The following HNRNPA2B1 variants were observed in gnomAD, a reference collection of about 807,000 sequenced individuals.
HNRNPA2B1 encodes heterogeneous nuclear ribonucleoprotein A2/B1, also known as heterogeneous nuclear ribonucleoproteins A2/B1.
Under a neutral mutation model 46.3 loss-of-function variants are expected in HNRNPA2B1, and 3 were observed. That is an observed-to-expected ratio of 0.06 (90% CI 0.03 to 0.17). The LOEUF (loss-of-function observed/expected upper bound fraction) is 0.17, where lower values mean the gene tolerates loss of function less well. HNRNPA2B1 is among the 10% of genes least tolerant of loss of function. The probability of loss-of-function intolerance (pLI) is 1.00; values close to 1 mark genes in which losing one functional copy is unlikely to be tolerated. For missense variants in HNRNPA2B1, 221 were observed against 418.9 expected, an observed-to-expected ratio of 0.53 and a Z score of 4.12; for synonymous variants, 225 against 133.8, an observed-to-expected ratio of 1.68 and a Z score of -4.70.
At position 26,195,881 on chromosome 7, in the gene HNRNPA2B1, C is replaced by T. The variant is rs764231312; in HGVS notation, c.687G>A (p.Gly229=). Residue 229 remains glycine, a synonymous_variant, in exon 7 of 11, where the codon GGG becomes GGA. Transcript: ENST00000618183. ...SDGYGSGRGF[G]DGYNGYGGGP... The stretch of plus-strand genomic sequence containing the variant: ...CTCCTCCATACCCATTATAGCCATC[C>T]CCAAATCCACGTCCACTGCCATATC... The T allele has an allele frequency of 6.2e-6, 10 of 1,609,762 alleles. No individual in the cohort carries two copies. The highest frequency in any genetic ancestry group is 1.7e-5 in the Admixed American group (1 of 58,764).
intron 7 of HNRNPA2B1, among the ~76,000 whole-genome samples, chr7:26,195,427 G>T (rs1324806005): frequency 6.6e-6 from 1 of 152,168 alleles, no homozygotes; most frequent in South Asian, 2.1e-4. Context: ...GAACATTTCC[G>T]TAGGTTACGC....
At position 26,195,853 on chromosome 7, in the gene HNRNPA2B1, G is replaced by C; in HGVS notation, c.715C>G (p.Pro239Ala). The change falls in exon 7 of 11, where the codon CCT (proline) becomes GCT (alanine). Residue 239 changes from proline to alanine, a missense_variant. Pro to Ala is a conservative substitution (Grantham distance 27). Around this residue, in one of 2 missense-constraint regions of HNRNPA2B1, gnomAD observed 143 missense variants for 200.5 expected, o/e 0.71. Transcript: ENST00000618183. ...AACGTAGAGGAAAACTGACCTCCAG[G>C]TCCTCCTCCATACCCATTATAGCCA... ...GDGYNGYGGGPGGGNFGGSPG... is the reference protein window; with the variant it reads ...GDGYNGYGGGAGGGNFGGSPG... 1.2e-6 allele frequency: 2 copies of C among 1,610,632 alleles called. No homozygotes were observed. The highest frequency in any genetic ancestry group is 1.7e-6 in the Non-Finnish European group (2 of 1,178,814).
chr7:26,195,690 T>G, intron 7 of HNRNPA2B1, 157 bp downstream of exon 7: 2 of 732,628 alleles, frequency 2.7e-6, no homozygotes, highest in Non-Finnish European at 4.4e-6. Context: ...ACAGCTAAGA[T>G]GGCAAAACTA....
In HNRNPA2B1 at chr7:26,192,526, C is replaced by T; in HGVS notation, c.1016G>A (p.Ser339Asn). The change falls in exon 10 of 11, where the codon AGC (serine) becomes AAC (asparagine). Residue 339 changes from serine to asparagine, a missense_variant. Ser to Asn is a conservative substitution (Grantham distance 46). This residue lies in a region of HNRNPA2B1 where 143 missense variants were observed against 200.5 expected (regional missense o/e 0.71). Coordinates refer to ENST00000618183, the MANE Select transcript of HNRNPA2B1 (RefSeq NM_002137.4). ...SGGSGGYGGRSRY is the reference protein window; with the variant it reads ...SGGSGGYGGRNRY Reference sequence around the variant, plus strand: ...CAAATAGGAAGAAGCTCAGTATCGGCTCCTCCCACCATAACCCCCACTTCC... The same window carrying T: ...CAAATAGGAAGAAGCTCAGTATCGGTTCCTCCCACCATAACCCCCACTTCC... 3.7e-6 allele frequency: 6 copies of T among 1,613,730 alleles called. No homozygotes were observed. Among genetic ancestry groups the T allele is most frequent in the Non-Finnish European group, 4.2e-6 (5 of 1,179,632 alleles).
chr7:26,195,816 T>A, intron 7 of HNRNPA2B1, 31 bp downstream of exon 7: 1 of 1,605,194 alleles, frequency 6.2e-7, no homozygotes, highest in South Asian at 1.1e-5. Context: ...ATTAGTCACA[T>A]AAACAAACCA....
chr7:26,198,038 A>C (rs1238764270), intron 1 of HNRNPA2B1: 1 of 438,734 alleles, frequency 2.3e-6, no homozygotes, highest in Non-Finnish European at 4.0e-6. Context: ...TAAAAAAAAA[A>C]CTTTCTAAGG....
At chr7:26,193,065 T>C (rs1783091632) in intron 9 of HNRNPA2B1, among the ~76,000 whole-genome samples, 186 bp downstream of exon 9, 1 of 152,150 alleles carries the variant, frequency 6.6e-6, no homozygotes, top group Non-Finnish European at 1.5e-5. Context: ...AATCCCAATT[T>C]GATGTCATAA....
Position 26,197,477 on chromosome 7 carries a change from G to T in HNRNPA2B1, c.118-16C>A. ...CCCTCATTACCTTTCAAACCAAAGG[G>T]TAAACTTTAGCATTTAATCTCATTA... On this transcript the variant is annotated splice_polypyrimidine_tract_variant and intron_variant, in intron 2 of 10. Transcript: ENST00000618183. 6.2e-7 allele frequency: 1 copy of T among 1,611,492 alleles called. No individual in the cohort carries two copies. Among genetic ancestry groups the T allele is most frequent in the Non-Finnish European group, 8.5e-7 (1 of 1,178,742 alleles).
At chr7:26,194,381 G>T (rs954324474) in intron 7 of HNRNPA2B1, among the ~76,000 whole-genome samples, 2 of 151,962 alleles carry the variant, frequency 1.3e-5, no homozygotes, top group African/African-American at 4.8e-5. Context: ...GGGCGACAGA[G>T]AGAGACTCCC....
intron 1 of HNRNPA2B1, 58 bp downstream of exon 1, chr7:26,200,514 A>T: frequency 1.3e-6 from 2 of 1,587,518 alleles, no homozygotes; most frequent in Non-Finnish European, 1.7e-6. Flanking sequence ...ACTTCCACTG[A>T]GGCGCCAACG....
rs754021381 is a variant in HNRNPA2B1, at chr7:26,192,549, TCCTCCACTG to T, written c.984_992del (p.Ser332_Gly334del). The T allele has an allele frequency of 4.3e-6, 7 of 1,613,828 alleles. No homozygotes were observed. Among genetic ancestry groups the T allele is most frequent in the South Asian group, 2.2e-5 (2 of 91,082 alleles). On this transcript the variant is annotated inframe_deletion, in exon 10 of 11. Transcript: ENST00000618183. ...GGCTCCTCCCACCATAACCCCCACT[TCCTCCACTG>T]CCTCCTGGACCATAGTTTCCTATAA...
chr7:26,195,559 TC>T (rs754903323), intron 7 of HNRNPA2B1, among the ~76,000 whole-genome samples: 55 of 152,358 alleles, frequency 3.6e-4, no homozygotes, highest in Admixed American at 1.4e-3. Context: ...TCTGTACTTT[TC>T]CAGAGAAGCA....
rs1405781196 is a variant in HNRNPA2B1 at position 26,196,886 on chromosome 7, A to G, written c.396T>C (p.Ile132=). 1.2e-6 allele frequency: 2 copies of G among 1,613,962 alleles called. No homozygotes were observed. The highest frequency in any genetic ancestry group is 1.7e-6 in the Non-Finnish European group (2 of 1,179,858). The change falls in exon 4 of 11, where the codon ATT becomes ATC. Residue 132 remains isoleucine (I), a synonymous_variant. Transcript: ENST00000618183. ...TTTTCTTTCCAGACTGCCTATCAGTAATTATCTCAATGGTATCAATTTTTC... is the reference window on the plus strand; with the variant it reads ...TTTTCTTTCCAGACTGCCTATCAGTGATTATCTCAATGGTATCAATTTTTC... ...EYGKIDTIEI[I]TDRQSGKKRG...
chr7:26,198,933 AT>A (rs1396367782), intron 1 of HNRNPA2B1: 1 of 151,662 alleles, frequency 6.6e-6, no homozygotes, highest in Non-Finnish European at 1.5e-5. Context: ...CCCAGTTCAG[AT>A]TTTTTTCCTG....
intron 7 of HNRNPA2B1, among the ~76,000 whole-genome samples, chr7:26,194,538 C>CG (rs1783290940): frequency 6.6e-6 from 1 of 150,904 alleles, no homozygotes; most frequent in South Asian, 2.1e-4. Context: ...CACACCTCTA[C>CG]AAAAAAACAC....
rs1428232126 is a variant in HNRNPA2B1 at position 26,197,333 on chromosome 7, T to C, written c.246A>G (p.Lys82=). ...TGCTTACCTCTCTTGCTACAGCACG[T>C]TTTGGCTCAACTACTCTCCCATCAA... is the stretch of plus-strand genomic sequence containing the variant. The part of the protein sequence containing the change: ...HSIDGRVVEP[K]RAVAREESGK... Residue 82 remains lysine, a synonymous_variant, in exon 3 of 11, where the codon AAA becomes AAG. Coordinates refer to ENST00000618183, the MANE Select transcript of HNRNPA2B1 (RefSeq NM_002137.4). 1 of 1,612,766 alleles carries C rather than the reference T, an allele frequency of 6.2e-7. No individual in the cohort carries two copies. Among genetic ancestry groups the C allele is most frequent in the Admixed American group, 1.7e-5 (1 of 59,840 alleles).
rs115723396 is a variant in HNRNPA2B1, at chr7:26,194,108, G to A, written c.722-414C>T. Among the ~76,000 whole-genome samples, 611 of 152,238 alleles carry A rather than the reference G, an allele frequency of 4.0e-3. 3 individuals are homozygous for A. The highest frequency in any genetic ancestry group is 0.014 in the African/African-American group (583 of 41,534). ...TACGAATTACATATCTTAAAACAATGTTCTCGGTTGGGCACAGTGGCTCAT... is the reference window on the plus strand; with the variant it reads ...TACGAATTACATATCTTAAAACAATATTCTCGGTTGGGCACAGTGGCTCAT... On this transcript the variant is annotated intron_variant, in intron 7 of 10. Transcript: ENST00000618183.
chr7:26,194,062 A>T (rs968904825), intron 7 of HNRNPA2B1, among the ~76,000 whole-genome samples: 2 of 152,216 alleles, frequency 1.3e-5, no homozygotes, highest in African/African-American at 4.8e-5. Context: ...CCCAAAAGAT[A>T]AAGTTTCTAT....
chr7:26,194,758 TAAAC>T (rs534992795), intron 7 of HNRNPA2B1, among the ~76,000 whole-genome samples: 1 of 145,992 alleles, frequency 6.8e-6, no homozygotes, highest in African/African-American at 2.5e-5. Flanking sequence ...AGTGCGGACA[TAAAC>T]AAAAATTTAC....
Sources: allele counts gnomAD v4.1 joint callset (sites outside exome capture counted in the v4.1 genomes callset), GRCh38; gene constraint gnomAD v4.1.1; regional missense constraint gnomAD v4.1.1; transcripts MANE v1.5; gene names NCBI Gene and HGNC (gene_info 2026-07-23, HGNC 2026-07-21).